ZC3H3: variants seen among roughly 807,000 people sequenced by gnomAD.
The protein encoded by ZC3H3 is zinc finger CCCH-type containing 3.
A neutral mutation model predicts 77.3 loss-of-function variants in ZC3H3; 36 were observed. That is an observed-to-expected ratio of 0.47 (90% confidence interval 0.36 to 0.61). The LOEUF (loss-of-function observed/expected upper bound fraction) is 0.61, where lower values mean the gene tolerates loss of function less well. Among genes scored for constraint, ZC3H3 ranks in the 20% least tolerant of loss-of-function variants. The probability of loss-of-function intolerance (pLI) is 0.00; values close to 1 mark genes in which losing one functional copy is unlikely to be tolerated. For missense variants in ZC3H3, 1,331 were observed against 1,312.2 expected (o/e 1.01, Z -0.22); for synonymous variants, 626 against 555.2 (o/e 1.13, Z -1.79).
At chr8:143,523,905 C>T (rs980578740) in intron 3 of ZC3H3, among the ~76,000 whole-genome samples, 1 of 152,236 alleles carries the variant, frequency 6.6e-6, no homozygotes, top group South Asian at 2.1e-4. Flanking sequence ...GGGTGAAGGA[C>T]GGGGCCTCAC....
chr8:143,440,136 C>A lies in ZC3H3; in HGVS notation c.2720G>T (p.Cys907Phe), dbSNP rs750528457. 1 of 1,611,674 alleles carries A rather than the reference C, an allele frequency of 6.2e-7. No homozygotes were observed. Among genetic ancestry groups the A allele is most frequent in the Non-Finnish European group, 8.5e-7 (1 of 1,179,664 alleles). ...ALAAACSNRL[C>F]KLPSFISLQS... ...CAGGGAGATGAAGGAAGGCAGCTTG[C>A]AGAGCCTGTTGGAGCACGCTGCTGC... Residue 907 changes from cysteine to phenylalanine, a missense_variant, in exon 11 of 12, where the codon TGC (cysteine) becomes TTC (phenylalanine). Cys to Phe is a radical substitution (Grantham distance 205). This residue lies in a region of ZC3H3 where 249 missense variants were observed against 236.9 expected (regional missense o/e 1.05). Coordinates refer to ENST00000262577, the MANE Select transcript of ZC3H3 (RefSeq NM_015117.3).
intron 4 of ZC3H3, among the ~76,000 whole-genome samples, chr8:143,500,133 C>A (rs1332896878): frequency 6.6e-6 from 1 of 152,248 alleles, no homozygotes; most frequent in Non-Finnish European, 1.5e-5. Context: ...TCTCTGAGCC[C>A]CACACAGATC....
At chr8:143,481,452 A>G (rs76551337) in intron 4 of ZC3H3, among the ~76,000 whole-genome samples, 21,769 of 152,172 alleles carry the variant, frequency 0.14, 1,846 homozygotes, top group Middle Eastern at 0.27. Flanking sequence ...AACACCTGGG[A>G]ACAGAGAGGT....
intron 3 of ZC3H3, among the ~76,000 whole-genome samples, chr8:143,525,698 T>C (rs554111227): frequency 6.6e-6 from 1 of 152,370 alleles, no homozygotes; most frequent in South Asian, 2.1e-4. Flanking sequence ...TGCCTTCCCA[T>C]GCACCTCTCT....
chr8:143,486,009 G>C (rs1821043085), intron 4 of ZC3H3, among the ~76,000 whole-genome samples: 1 of 152,220 alleles, frequency 6.6e-6, no homozygotes, highest in Non-Finnish European at 1.5e-5. Flanking sequence ...ACAGCTACCT[G>C]GGACAGCTTC....
At chr8:143,449,188 T>C (rs1461331866) in intron 9 of ZC3H3, among the ~76,000 whole-genome samples, 1 of 152,212 alleles carries the variant, frequency 6.6e-6, no homozygotes, top group African/African-American at 2.4e-5. Flanking sequence ...TTTCTCCCCA[T>C]TGTCTTGGTT....
chr8:143,503,765 C>T (rs1821605081), intron 4 of ZC3H3, among the ~76,000 whole-genome samples: 1 of 151,998 alleles, frequency 6.6e-6, no homozygotes, highest in Admixed American at 6.5e-5. Flanking sequence ...CCTCCTCCAG[C>T]ACCCAGCCAT....
intron 3 of ZC3H3, among the ~76,000 whole-genome samples, chr8:143,510,828 A>T (rs1821847255): frequency 6.6e-6 from 1 of 151,632 alleles, no homozygotes; most frequent in South Asian, 2.1e-4. Flanking sequence ...CAGGGCTGTA[A>T]TTTTTTTTCT....
At position 143,538,117 on chromosome 8, in the gene ZC3H3, C is replaced by A. The variant is rs1351103831; in HGVS notation, c.1250G>T (p.Gly417Val). 13 of 1,613,218 alleles carry A rather than the reference C, an allele frequency of 8.1e-6. No individual in the cohort carries two copies. The highest frequency in any genetic ancestry group is 3.3e-4 in the Middle Eastern group (2 of 6,062). Residue 417 changes from glycine to valine, a missense_variant, in exon 2 of 12, where the codon GGG becomes GTG. By Grantham distance (109) the Gly-to-Val change is moderately radical (BLOSUM62 -3). Coordinates refer to ENST00000262577, the MANE Select transcript of ZC3H3 (RefSeq NM_015117.3). The stretch of plus-strand genomic sequence containing the variant: ...ACTGTGTCCTACTGCTGGTCTGTCC[C>A]CCGACGGGGACCTAGACAGGACTGG... ...LSPVLSRSPSGDRPAVGHSGL... is the reference protein window; with the variant it reads ...LSPVLSRSPSVDRPAVGHSGL...
intron 9 of ZC3H3, among the ~76,000 whole-genome samples, chr8:143,456,814 A>G (rs1338869695): frequency 6.6e-6 from 1 of 152,166 alleles, no homozygotes; most frequent in Non-Finnish European, 1.5e-5. Flanking sequence ...CTTGCAGTGA[A>G]CTGTGATTGT....
intron 2 of ZC3H3, among the ~76,000 whole-genome samples, chr8:143,536,818 A>G (rs1228271717): frequency 6.6e-6 from 1 of 152,134 alleles, no homozygotes; most frequent in Non-Finnish European, 1.5e-5. Flanking sequence ...GACATCCCTG[A>G]GGAGAGCGGC....
intron 9 of ZC3H3, among the ~76,000 whole-genome samples, chr8:143,459,821 T>C (rs537809117): frequency 8.5e-5 from 13 of 152,270 alleles, no homozygotes; most frequent in African/African-American, 3.1e-4. Flanking sequence ...TTCCTCAGTG[T>C]GGTAAACTCT....
At chr8:143,472,165 C>T (rs2129891861) in intron 5 of ZC3H3, among the ~76,000 whole-genome samples, 1 of 152,358 alleles carries the variant, frequency 6.6e-6, no homozygotes, top group South Asian at 2.1e-4. Flanking sequence ...CCAGACCCTC[C>T]TTGCTGGCGT....
chr8:143,481,810 C>T (rs1407090951), intron 4 of ZC3H3, among the ~76,000 whole-genome samples: 6 of 152,258 alleles, frequency 3.9e-5, no homozygotes, highest in Admixed American at 1.3e-4. Flanking sequence ...GCAGTTCTCC[C>T]CATGAGGGGC....
chr8:143,454,480 A>G (rs1231046779), intron 9 of ZC3H3, among the ~76,000 whole-genome samples: 1 of 148,604 alleles, frequency 6.7e-6, no homozygotes, highest in Non-Finnish European at 1.5e-5. Flanking sequence ...GGCTCACTGC[A>G]CTGCAAGCTC....
Position 143,475,440 on chromosome 8 carries a change from C to G in ZC3H3, c.1861G>C (p.Gly621Arg), listed in dbSNP as rs758548200. 1.2e-6 allele frequency: 2 copies of G among 1,613,140 alleles called. No individual in the cohort carries two copies. ...CTGCTGCCCGCATCACTGGGCTGGC[C>G]GGAGGTCTTGGAGAGCTTGTTGGCA... is the stretch of plus-strand genomic sequence containing the variant. ...VSANKLSKTS[G>R]QPSDAGSRPL... is the part of the protein sequence containing the mutation. Residue 621 changes from glycine (G) to arginine (R), a missense_variant, in exon 5 of 12, where the codon GGC (glycine) becomes CGC (arginine). Transcript: ENST00000262577.
intron 3 of ZC3H3, among the ~76,000 whole-genome samples, chr8:143,511,216 G>A (rs1399968607): frequency 3.9e-5 from 6 of 152,148 alleles, no homozygotes; most frequent in Non-Finnish European, 2.9e-5. Context: ...CATCAGGAGG[G>A]CGGCCGCTGA....
chr8:143,502,881 G>C lies in ZC3H3; in HGVS notation c.1715+4865C>G, dbSNP rs1006478741. Among the ~76,000 whole-genome samples, 109 of 152,244 alleles carry C rather than the reference G, an allele frequency of 7.2e-4. 2 individuals are homozygous for C. Among genetic ancestry groups the C allele is most frequent in the Admixed American group, 9.8e-4 (15 of 15,290 alleles). ...CCTGCATTCCAGGCCCTCTGGGACA[G>C]GCTTCACTTCAAGGCAGCAGTCCTG... On this transcript the variant is annotated intron_variant, in intron 4 of 11. Transcript: ENST00000262577.
rs754041575 is a variant in ZC3H3, at chr8:143,538,551, C to T, written c.816G>A (p.Gln272=). Residue 272 remains glutamine (Q), a synonymous_variant, in exon 2 of 12, where the codon CAG becomes CAA. Coordinates refer to ENST00000262577, the MANE Select transcript of ZC3H3 (RefSeq NM_015117.3). ...CCCCCACTGAGCCAGACGGAACTGG[C>T]TGATCTGTGTGGCCAGCATCTACTC... ...DRRVDAGHTD[Q]PVPSGSVGGP... 1 of 1,611,664 alleles carries T rather than the reference C, an allele frequency of 6.2e-7. No homozygotes were observed. Among genetic ancestry groups the T allele is most frequent in the African/African-American group, 1.3e-5 (1 of 75,076 alleles).
Sources: allele counts gnomAD v4.1 joint callset (sites outside exome capture counted in the v4.1 genomes callset), GRCh38; gene constraint gnomAD v4.1.1; regional missense constraint gnomAD v4.1.1; transcripts MANE v1.5; gene names NCBI Gene and HGNC (gene_info 2026-07-23, HGNC 2026-07-21).